Variants in BFSP1 observed in about 807,000 individuals in gnomAD.
BFSP1 encodes the protein filensin.
BFSP1 carries 38 observed loss-of-function variants against 43.9 expected under a neutral mutation model. That is an observed-to-expected ratio of 0.87 (90% CI 0.67 to 1.14). The LOEUF (loss-of-function observed/expected upper bound fraction) is 1.14, where lower values mean the gene tolerates loss of function less well. Ranked by LOEUF, BFSP1 falls within the 50% of genes most tolerant of loss-of-function variation. The pLI is 0.00. For synonymous variants in BFSP1, 352 were observed against 354.8 expected (o/e 0.99, Z 0.09); for missense variants, 850 against 875.1 (o/e 0.97, Z 0.36).
chr20:17,505,512 C>T (rs1245873235), intron 5 of BFSP1, among the ~76,000 whole-genome samples: 1 of 152,266 alleles, frequency 6.6e-6, no homozygotes, highest in African/African-American at 2.4e-5. Flanking sequence ...CAGACGCTCT[C>T]TCTCGGCCCG....
chr20:17,534,186 G>A (rs577333679), upstream of BFSP1, among the ~76,000 whole-genome samples: 4 of 152,348 alleles, frequency 2.6e-5, no homozygotes, highest in South Asian at 4.1e-4. Context: ...AGACATGTTC[G>A]TAGAGATAGA....
At chr20:17,512,125 C>T (rs1323428319) in intron 3 of BFSP1, 57 bp from the exon 4 acceptor site, 1 of 1,435,514 alleles carries the variant, frequency 7.0e-7, no homozygotes, top group Non-Finnish European at 9.8e-7. Context: ...GTTTTTCCTT[C>T]TAGTACTAGA....
intron 2 of BFSP1, among the ~76,000 whole-genome samples, chr20:17,523,771 C>T (rs977234842): frequency 6.6e-6 from 1 of 151,764 alleles, no homozygotes; most frequent in South Asian, 2.1e-4. Flanking sequence ...CGTGCTCACG[C>T]GCAGAGGGGC....
At chr20:17,560,054 G>A (rs149152830), upstream of BFSP1, among the ~76,000 whole-genome samples, 723 of 152,036 alleles carry the variant, frequency 4.8e-3, 9 homozygotes, top group African/African-American at 0.016. Flanking sequence ...TCCCTCATCA[G>A]GAAGAGCTGG....
chr20:17,567,861 CAA>C (rs796434004), intron 1 of BFSP1, among the ~76,000 whole-genome samples: 14 of 58,254 alleles, frequency 2.4e-4, no homozygotes, highest in East Asian at 4.8e-4. Context: ...AACTCAGTCT[CAA>C]AAAAAAAAAA....
At chr20:17,543,247 G>A (rs1157851687) in intron 1 of BFSP1, among the ~76,000 whole-genome samples, 1 of 152,134 alleles carries the variant, frequency 6.6e-6, no homozygotes, top group Non-Finnish European at 1.5e-5. Flanking sequence ...GTCTTTTGCC[G>A]TGTAACAAAG....
At chr20:17,518,471 C>T (rs1022942669) in intron 2 of BFSP1, among the ~76,000 whole-genome samples, 7 of 152,172 alleles carry the variant, frequency 4.6e-5, no homozygotes, top group Non-Finnish European at 8.8e-5. Context: ...AGAAGGCGTG[C>T]GCTACCCGGC....
rs2035014632 is a variant in BFSP1, at chr20:17,557,614, A to G, written c.2+1074T>C. Among the ~76,000 whole-genome samples the G allele has an allele frequency of 3.9e-5, 6 of 152,198 alleles. No homozygotes were observed. In the South Asian group the frequency reaches 1.2e-3, roughly 32 times the overall value. On this transcript the variant is annotated intron_variant, in intron 1 of 7. Transcript: ENST00000377868. ...CTTTTCAGATTTGGTGCCTTCTTCC[A>G]GGTCTCTTGCCTGGGACCTTCATGC...
chr20:17,536,395 A>G (rs2034629461), intron 1 of BFSP1, among the ~76,000 whole-genome samples: 1 of 152,168 alleles, frequency 6.6e-6, no homozygotes, highest in Non-Finnish European at 1.5e-5. Context: ...GACAAAAAAT[A>G]TAGGCACATG....
intron 2 of BFSP1, among the ~76,000 whole-genome samples, chr20:17,518,449 G>A (rs2034249890): frequency 6.6e-6 from 1 of 152,176 alleles, no homozygotes; most frequent in Admixed American, 6.5e-5. Flanking sequence ...CAGCTATAGC[G>A]TTTCTTCTTC....
At chr20:17,543,043 A>T (rs1445395455) in intron 1 of BFSP1, among the ~76,000 whole-genome samples, 1 of 152,216 alleles carries the variant, frequency 6.6e-6, no homozygotes, top group African/African-American at 2.4e-5. Context: ...CTCCTAGCTA[A>T]TCTCAATATT....
chr20:17,517,397 C>T (rs2034222479), intron 2 of BFSP1: 2 of 755,296 alleles, frequency 2.6e-6, no homozygotes, highest in Non-Finnish European at 4.6e-6. Flanking sequence ...TTTCCTCCTG[C>T]CTCAGCCTCC....
At chr20:17,516,251 T>C (rs1214542819) in intron 2 of BFSP1, among the ~76,000 whole-genome samples, 1 of 152,136 alleles carries the variant, frequency 6.6e-6, no homozygotes, top group East Asian at 1.9e-4. Context: ...CACTTGAACC[T>C]GGGAGGCAGA....
intron 1 of BFSP1, among the ~76,000 whole-genome samples, chr20:17,538,672 C>T (rs890304517): frequency 3.9e-5 from 6 of 152,260 alleles, no homozygotes; most frequent in Non-Finnish European, 5.9e-5. Context: ...GAGACATTGT[C>T]GTACCAACTC....
Position 17,509,746 on chromosome 20 carries a change from G to C in BFSP1, c.628-750C>G, listed in dbSNP as rs2034030552. ...CACAAAGCAGGAGCCATCAGCCCCA[G>C]TGGGTGAAAGGGAAGTGACGCTCCA... On this transcript the variant is annotated intron_variant, in intron 4 of 7. Transcript: ENST00000377873. 2.0e-5 allele frequency among the ~76,000 whole-genome samples: 3 copies of C among 152,238 alleles called. No homozygotes were observed. The South Asian group carries it at 6.2e-4, about 32-fold the overall frequency.
At chr20:17,543,791 C>T (rs1157250785) in intron 1 of BFSP1, among the ~76,000 whole-genome samples, 1 of 152,178 alleles carries the variant, frequency 6.6e-6, no homozygotes, top group Non-Finnish European at 1.5e-5. Context: ...AAAACTATGT[C>T]CGCTTAAGTT....
chr20:17,545,098 A>G (rs1190765469), intron 1 of BFSP1, among the ~76,000 whole-genome samples: 3 of 152,216 alleles, frequency 2.0e-5, no homozygotes, highest in Non-Finnish European at 4.4e-5. Context: ...AGGACAAAAG[A>G]GTTTTCCCAG....
intron 3 of BFSP1, among the ~76,000 whole-genome samples, chr20:17,512,945 C>T (rs148254997): frequency 7.9e-5 from 12 of 152,156 alleles, no homozygotes; most frequent in Non-Finnish European, 1.8e-4. Context: ...GTGCCCCTGT[C>T]CCCAGCTCTG....
Position 17,516,801 on chromosome 20 carries a change from C to T in BFSP1, c.439-1985G>A, listed in dbSNP as rs1316597901. 7.6e-6 allele frequency: 4 copies of T among 523,326 alleles called. No homozygotes were observed. The Admixed American group carries it at 9.4e-5, about 12-fold the overall frequency. The allele number at this position is 523,326 out of a possible 1,614,324, so 32.4% of individuals were successfully genotyped here. On this transcript the variant is annotated intron_variant, in intron 2 of 7. Transcript: ENST00000377873. ...TTAGGAATGTATCTTAAAACATTTCCTTCCTTTTCCATTAGCCACCTGCAG... is the reference window on the plus strand; with the variant it reads ...TTAGGAATGTATCTTAAAACATTTCTTTCCTTTTCCATTAGCCACCTGCAG...
Sources: gnomAD v4.1 joint callset for allele counts (sites outside exome capture counted in the v4.1 genomes callset) on GRCh38, gnomAD v4.1.1 for gene constraint, MANE v1.5 for transcripts, NCBI Gene and HGNC (gene_info 2026-07-23, HGNC 2026-07-21) for gene names.